The following NPTN variants were observed in gnomAD, a reference collection of about 807,000 sequenced individuals.
NPTN encodes the protein neuroplastin.
NPTN carries 5 observed loss-of-function variants against 42.7 expected under a neutral mutation model. The observed-to-expected ratio is 0.12, with a 90% CI of 0.06 to 0.25. NPTN has a LOEUF of 0.25. Ranked by LOEUF, NPTN falls within the 10% of genes least tolerant of loss-of-function variation. The pLI, the probability that NPTN is intolerant of heterozygous loss-of-function variation, is 1.00. For missense variants in NPTN, 307 were observed against 525.4 expected (o/e 0.58, Z 4.06); for synonymous variants, 180 against 201.9 (o/e 0.89, Z 0.92).
At chr15:73,581,603 G>A (rs1896047786) in intron 4 of NPTN, among the ~76,000 whole-genome samples, 1 of 152,088 alleles carries the variant, frequency 6.6e-6, no homozygotes, top group Non-Finnish European at 1.5e-5. Flanking sequence ...TCATTATCTG[G>A]GCAGTCTGGG....
At chr15:73,610,519 G>A (rs1897526966) in intron 1 of NPTN, among the ~76,000 whole-genome samples, 1 of 152,128 alleles carries the variant, frequency 6.6e-6, no homozygotes, top group Non-Finnish European at 1.5e-5. Context: ...TGGAGAAAAA[G>A]CTAACGCATA....
Position 73,563,145 on chromosome 15 carries a change from C to T in NPTN, c.1136+91G>A, listed in dbSNP as rs1048438268. 2.4e-5 allele frequency: 22 copies of T among 920,582 alleles called. No homozygotes were observed. In the African/African-American group the frequency reaches 3.1e-4, roughly 13 times the overall value. 57.0% of individuals were successfully genotyped at this position (920,582 alleles called of 1,614,324 possible). On this transcript the variant is annotated intron_variant, in intron 7 of 8. Transcript: ENST00000345330. ...CCTTCATTTCCACTCACTGTCTTCC[C>T]CTCCAATCTTAGCTACTCCATTTGA... is the stretch of plus-strand genomic sequence containing the variant.
chr15:73,619,808 C>T lies in NPTN; in HGVS notation c.91+13317G>A, dbSNP rs113039577. 7.4e-3 allele frequency among the ~76,000 whole-genome samples: 1,123 copies of T among 152,270 alleles called. 8 individuals carry two copies. The highest frequency in any genetic ancestry group is 0.045 in the Middle Eastern group (13 of 292). ...AATCATTTTACTATAGAACACATAG[C>T]TAGCTTTAAAACAACAGATTAAAAA... On this transcript the variant is annotated intron_variant, in intron 1 of 8. Transcript: ENST00000345330.
rs1232870087 is a variant in NPTN at position 73,569,846 on chromosome 15, A to G, written c.1114+304T>C. ...GACAGAGCTGAACAAAGAGACTGACAGCTGCCCATTCACCACATGGGGCCT... is the reference window on the plus strand; with the variant it reads ...GACAGAGCTGAACAAAGAGACTGACGGCTGCCCATTCACCACATGGGGCCT... On this transcript the variant is annotated intron_variant, in intron 6 of 8. Transcript: ENST00000345330. This position sits in a 1 kb window ranked among gnomAD's most constrained non-coding sequence, Gnocchi z 4.1. 14 of 983,310 alleles carry G rather than the reference A, an allele frequency of 1.4e-5. No individual in the cohort carries two copies. Among genetic ancestry groups the G allele is most frequent in the Non-Finnish European group, 1.7e-5 (14 of 827,958 alleles). The allele number at this position is 983,310 out of a possible 1,614,324, so 60.9% of individuals were successfully genotyped here.
intron 1 of NPTN, among the ~76,000 whole-genome samples, chr15:73,618,596 C>G (rs1327123035): frequency 3.3e-5 from 5 of 152,144 alleles, no homozygotes; most frequent in Non-Finnish European, 7.4e-5. Context: ...AAATTACAGG[C>G]TGGGTGCAGT....
Position 73,633,255 on chromosome 15 carries a change from C to CT in NPTN, c.-41_-40insA. 1 of 1,345,594 alleles carries CT rather than the reference C, an allele frequency of 7.4e-7. No homozygotes were observed. Among genetic ancestry groups the CT allele is most frequent in the South Asian group, 1.4e-5 (1 of 70,090 alleles). 83.4% of individuals were successfully genotyped at this position (1,345,594 alleles called of 1,614,324 possible). A position where few individuals can be genotyped will look rare whatever the true frequency, so the allele number is the denominator to read the frequency against. On this transcript the variant is annotated 5_prime_UTR_variant, in exon 1 of 9. Coordinates refer to ENST00000345330, the MANE Select transcript of NPTN (RefSeq NM_012428.4). ...GACCCAACAGCGAATGGGCCGGGGCCAGAGCCGGGGCCGGGGAAGGGAGGG... is the reference window on the plus strand; with the variant it reads ...GACCCAACAGCGAATGGGCCGGGGCCTAGAGCCGGGGCCGGGGAAGGGAGGG...
intron 1 of NPTN, among the ~76,000 whole-genome samples, chr15:73,630,796 T>C (rs1284195466): frequency 2.6e-5 from 4 of 152,248 alleles, no homozygotes; most frequent in South Asian, 4.1e-4. Flanking sequence ...ACAAACTCCA[T>C]GACATGAAGT....
In NPTN at chr15:73,633,141, T is replaced by C; in HGVS notation, c.75A>G (p.Pro25=). 12 of 1,495,472 alleles carry C rather than the reference T, an allele frequency of 8.0e-6. No individual in the cohort carries two copies. The highest frequency in any genetic ancestry group is 1.1e-5 in the Non-Finnish European group (12 of 1,130,192). The allele number at this position is 1,495,472 out of a possible 1,614,324, so 92.6% of individuals were successfully genotyped here. A position where few individuals can be genotyped will look rare whatever the true frequency, so the allele number is the denominator to read the frequency against. The change falls in exon 1 of 9, where the codon CCA becomes CCG. Residue 25 remains proline (P), a synonymous_variant. Transcript: ENST00000345330. ...CCCGCTTACCGTTCTGAGCGGCGCC[T>C]GGCCCTGGGAGGAGGGAGCCAGAGA... is the stretch of plus-strand genomic sequence containing the variant. The part of the protein sequence containing the change: ...LLVSGSLLPG[P]GAAQNAGFVK...
chr15:73,625,221 C>T (rs1898336197), intron 1 of NPTN, among the ~76,000 whole-genome samples: 1 of 152,198 alleles, frequency 6.6e-6, no homozygotes, highest in Non-Finnish European at 1.5e-5. Flanking sequence ...TTAACTACCT[C>T]ACACAGATTA....
chr15:73,584,764 TAA>T (rs55815192), intron 4 of NPTN, among the ~76,000 whole-genome samples: 64 of 122,818 alleles, frequency 5.2e-4, no homozygotes, highest in Admixed American at 6.7e-4. Context: ...TTGTGTCCTT[TAA>T]AAAAAAAAAA....
chr15:73,628,017 C>T (rs1302658614), intron 1 of NPTN, among the ~76,000 whole-genome samples: 1 of 151,596 alleles, frequency 6.6e-6, no homozygotes, highest in Non-Finnish European at 1.5e-5. Flanking sequence ...AAAAAAAATC[C>T]ATAAAAATTT....
intron 1 of NPTN, among the ~76,000 whole-genome samples, chr15:73,629,790 T>C (rs1214401184): frequency 2.0e-5 from 3 of 151,336 alleles, no homozygotes; most frequent in Admixed American, 6.6e-5. Context: ...ACAACAATAA[T>C]ACTCTATGAG....
intron 4 of NPTN, among the ~76,000 whole-genome samples, chr15:73,580,030 T>C (rs1271556614): frequency 6.6e-6 from 1 of 152,156 alleles, no homozygotes; most frequent in African/African-American, 2.4e-5. Context: ...GATACAAATA[T>C]ACCAATTGAT....
chr15:73,606,097 CT>C (rs1194285693), intron 1 of NPTN, among the ~76,000 whole-genome samples: 2 of 152,108 alleles, frequency 1.3e-5, no homozygotes, highest in Non-Finnish European at 2.9e-5. Context: ...CACTTGCAGG[CT>C]TTTACAGTAC....
intron 4 of NPTN, among the ~76,000 whole-genome samples, chr15:73,575,275 G>A (rs1191832726): frequency 6.6e-6 from 1 of 152,154 alleles, no homozygotes; most frequent in Non-Finnish European, 1.5e-5. Context: ...GAGCCATCAC[G>A]CCCGGCTAAT....
At position 73,570,635 on chromosome 15, in the gene NPTN, G is replaced by C. The variant is rs1047377507; in HGVS notation, c.841-212C>G. Among the ~76,000 whole-genome samples the C allele has an allele frequency of 6.6e-6, 1 of 152,214 alleles. No homozygotes were observed. The highest frequency in any genetic ancestry group is 6.5e-5 in the Admixed American group (1 of 15,282). ...AGCCTCCCTTACCATCGGTCCTCCAGACTTCCCCGACTTCCACGAAGTGAG... is the reference window on the plus strand; with the variant it reads ...AGCCTCCCTTACCATCGGTCCTCCACACTTCCCCGACTTCCACGAAGTGAG... On this transcript the variant is annotated intron_variant, in intron 5 of 8. Coordinates refer to ENST00000345330, the MANE Select transcript of NPTN (RefSeq NM_012428.4). The surrounding 1 kb of genome is among the most constrained non-coding windows in gnomAD (Gnocchi z 4.0).
intron 4 of NPTN, among the ~76,000 whole-genome samples, chr15:73,583,574 G>C (rs1206478488): frequency 1.3e-5 from 2 of 152,204 alleles, no homozygotes; most frequent in African/African-American, 2.4e-5. Flanking sequence ...AGGAAGGTCA[G>C]GGTGGCACCC....
chr15:73,574,981 C>T (rs1008596969), intron 4 of NPTN, among the ~76,000 whole-genome samples: 2 of 152,184 alleles, frequency 1.3e-5, no homozygotes, highest in Non-Finnish European at 2.9e-5. Flanking sequence ...AATGCTTCAC[C>T]AGTTACAGTA....
chr15:73,632,136 C>T (rs1344762849), intron 1 of NPTN, among the ~76,000 whole-genome samples: 1 of 152,134 alleles, frequency 6.6e-6, no homozygotes, highest in Non-Finnish European at 1.5e-5. Context: ...AAAGGCCCGA[C>T]CAATATCATA....
Sources: allele counts gnomAD v4.1 joint callset (sites outside exome capture counted in the v4.1 genomes callset), GRCh38; gene constraint gnomAD v4.1.1; non-coding constraint Gnocchi (gnomAD v3.1); transcripts MANE v1.5; gene names NCBI Gene and HGNC (gene_info 2026-07-23, HGNC 2026-07-21).